The following OSBPL6 variants were observed in gnomAD, a reference collection of about 807,000 sequenced individuals.
The protein encoded by OSBPL6 is oxysterol binding protein like 6.
Under a neutral mutation model 125.8 loss-of-function variants are expected in OSBPL6, and 49 were observed. The ratio of observed to expected loss-of-function variants is 0.39; its 90% CI spans 0.31 to 0.49. OSBPL6 has a LOEUF of 0.49. Ranked by LOEUF, OSBPL6 falls within the 20% of genes least tolerant of loss-of-function variation. OSBPL6 has a pLI of 0.88. For missense variants in OSBPL6, 986 were observed against 1,135.4 expected, an observed-to-expected ratio of 0.87 and a Z score of 1.89; for synonymous variants, 394 against 391.8, an observed-to-expected ratio of 1.01 and a Z score of -0.07.
chr2:178,349,881 G>A (rs763541815), intron 12 of OSBPL6, among the ~76,000 whole-genome samples: 8 of 152,172 alleles, frequency 5.3e-5, no homozygotes, highest in Non-Finnish European at 1.2e-4. Flanking sequence ...GGCTGAGCTG[G>A]GCTGAAAGAC....
At chr2:178,294,343 A>G (rs187608274) in intron 2 of OSBPL6, among the ~76,000 whole-genome samples, 3 of 152,318 alleles carry the variant, frequency 2.0e-5, no homozygotes, top group East Asian at 1.9e-4. Flanking sequence ...TTGAATAGAC[A>G]TATTTCTCCA....
intron 14 of OSBPL6, among the ~76,000 whole-genome samples, chr2:178,372,571 CAA>C (rs11433537): frequency 0.032 from 4,634 of 145,454 alleles, 266 homozygotes; most frequent in East Asian, 0.24. Flanking sequence ...TGAAATGTTG[CAA>C]AAAAAAAAAA....
At chr2:178,256,698 A>AT (rs906368249) in intron 1 of OSBPL6, among the ~76,000 whole-genome samples, 2 of 152,198 alleles carry the variant, frequency 1.3e-5, no homozygotes, top group African/African-American at 2.4e-5. Context: ...ACACACATTT[A>AT]TTTTTTGAAG....
rs999504313 is a variant in OSBPL6, at chr2:178,306,160, A to G, written c.-25A>G. On this transcript the variant is annotated 5_prime_UTR_variant, in exon 3 of 25. Transcript: ENST00000190611. ...AGAAGATTGGGATGGTCTTAAGTGCATAAAACGAGACTCTAACTGCAGCGA... is the reference window on the plus strand; with the variant it reads ...AGAAGATTGGGATGGTCTTAAGTGCGTAAAACGAGACTCTAACTGCAGCGA... 1.3e-6 allele frequency: 2 copies of G among 1,489,512 alleles called. No individual in the cohort carries two copies. The highest frequency in any genetic ancestry group is 9.4e-7 in the Non-Finnish European group (1 of 1,066,698). 92.3% of individuals were successfully genotyped at this position (1,489,512 alleles called of 1,614,324 possible).
chr2:178,279,091 CT>C (rs2092526779), intron 1 of OSBPL6, among the ~76,000 whole-genome samples: 1 of 152,142 alleles, frequency 6.6e-6, no homozygotes, highest in African/African-American at 2.4e-5. Context: ...ATAGATAACT[CT>C]TCTGGTTGTC....
At chr2:178,350,180 G>T (rs186398565) in intron 12 of OSBPL6, among the ~76,000 whole-genome samples, 1 of 152,288 alleles carries the variant, frequency 6.6e-6, no homozygotes, top group East Asian at 1.9e-4. Context: ...AAATTAAATT[G>T]TTATAATCAG....
chr2:178,284,611 A>T (rs1462702629), intron 1 of OSBPL6, among the ~76,000 whole-genome samples: 1 of 152,160 alleles, frequency 6.6e-6, no homozygotes, highest in Non-Finnish European at 1.5e-5. Flanking sequence ...TGGAGGGCTA[A>T]ATGTGGTCCT....
rs183651196 is a variant in OSBPL6 at position 178,396,529 on chromosome 2, T to C, written c.*970T>C. The C allele has an allele frequency of 1.3e-5, 2 of 152,232 alleles. No homozygotes were observed. The highest frequency in any genetic ancestry group is 6.5e-5 in the Admixed American group (1 of 15,276). The allele number at this position is 152,232 out of a possible 1,614,324, so 9.4% of individuals were successfully genotyped here. On this transcript the variant is annotated 3_prime_UTR_variant, in exon 25 of 25. Coordinates refer to ENST00000190611, the MANE Select transcript of OSBPL6 (RefSeq NM_032523.4). ...ATATGGAATTCCTGTGTGGGCTTAG[T>C]AGTACTATAAATGTAATTGTTTTTG...
At chr2:178,240,658 CAGG>C (rs945921589) in intron 1 of OSBPL6, among the ~76,000 whole-genome samples, 3 of 152,164 alleles carry the variant, frequency 2.0e-5, no homozygotes, top group Admixed American at 6.5e-5. Context: ...GAGGCTGAGG[CAGG>C]AGAATTGCTT....
chr2:178,271,110 GT>G (rs2092366600), intron 1 of OSBPL6, among the ~76,000 whole-genome samples: 1 of 151,942 alleles, frequency 6.6e-6, no homozygotes, highest in Non-Finnish European at 1.5e-5. Context: ...GCCCTATCCA[GT>G]TTTTTTTAAA....
At chr2:178,212,491 A>G (rs1437290296) in intron 1 of OSBPL6, among the ~76,000 whole-genome samples, 1 of 152,222 alleles carries the variant, frequency 6.6e-6, no homozygotes. Flanking sequence ...CTTACAATTA[A>G]TTGCCTGAAT....
chr2:178,263,867 A>G (rs951768846), intron 1 of OSBPL6, among the ~76,000 whole-genome samples: 11 of 151,424 alleles, frequency 7.3e-5, no homozygotes, highest in African/African-American at 2.7e-4. Flanking sequence ...GAAAATTCTC[A>G]GTATTTTCTA....
chr2:178,364,145 C>G (rs1692600127), intron 13 of OSBPL6, among the ~76,000 whole-genome samples: 1 of 152,110 alleles, frequency 6.6e-6, no homozygotes, highest in Non-Finnish European at 1.5e-5. Context: ...TGGAGAATGG[C>G]AGGTAGTTCA....
At chr2:178,234,504 A>G (rs546620088) in intron 1 of OSBPL6, among the ~76,000 whole-genome samples, 3 of 152,340 alleles carry the variant, frequency 2.0e-5, no homozygotes. Flanking sequence ...ACAGGGAGGT[A>G]CTGTGTACAT....
At chr2:178,328,187 A>C in intron 4 of OSBPL6, 69 bp from the exon 5 acceptor site, 1 of 1,591,222 alleles carries the variant, frequency 6.3e-7, no homozygotes, top group Non-Finnish European at 8.6e-7. Flanking sequence ...ACTTCTACTT[A>C]AGAATCTGCT....
intron 13 of OSBPL6, 24 bp downstream of exon 13, chr2:178,361,839 A>C: frequency 1.2e-6 from 2 of 1,613,612 alleles, no homozygotes; most frequent in South Asian, 2.2e-5. Flanking sequence ...GTGTGTTTGC[A>C]TGTACATGAC....
At chr2:178,324,963 C>T (rs900084947) in intron 4 of OSBPL6, among the ~76,000 whole-genome samples, 4 of 152,182 alleles carry the variant, frequency 2.6e-5, no homozygotes, top group African/African-American at 9.7e-5. Context: ...TCACATCTGG[C>T]CTTCCTAGCA....
intron 1 of OSBPL6, among the ~76,000 whole-genome samples, chr2:178,257,948 C>T (rs2091938105): frequency 6.6e-6 from 1 of 151,674 alleles, no homozygotes; most frequent in South Asian, 2.1e-4. Context: ...GCCACTATGC[C>T]CAGATGATTT....
chr2:178,393,628 C>G (rs1695599492), intron 23 of OSBPL6, among the ~76,000 whole-genome samples: 1 of 152,202 alleles, frequency 6.6e-6, no homozygotes, highest in African/African-American at 2.4e-5. Flanking sequence ...ACTTCCTGTA[C>G]AATGTATAGC....
Sources: gnomAD v4.1 joint callset for allele counts (sites outside exome capture counted in the v4.1 genomes callset) on GRCh38, gnomAD v4.1.1 for gene constraint, MANE v1.5 for transcripts, NCBI Gene and HGNC (gene_info 2026-07-23, HGNC 2026-07-21) for gene names.